DOCK2: variants seen among roughly 807,000 people sequenced by gnomAD.
DOCK2 encodes dedicator of cytokinesis 2, also known as dedicator of cytokinesis protein 2.
A neutral mutation model predicts 248.9 loss-of-function variants in DOCK2; 87 were observed. The observed-to-expected ratio is 0.35, with a 90% CI of 0.29 to 0.42. DOCK2 has a LOEUF of 0.42. Among genes scored for constraint, DOCK2 ranks in the 10% least tolerant of loss-of-function variants. DOCK2 has a pLI of 1.00. For synonymous variants in DOCK2, 805 were observed against 821.6 expected (o/e 0.98, Z 0.35); for missense variants, 1,747 against 2,300.2 (o/e 0.76, Z 4.92).
chr5:169,730,541 G>A (rs1164666783), intron 22 of DOCK2, among the ~76,000 whole-genome samples: 2 of 152,188 alleles, frequency 1.3e-5, no homozygotes, highest in African/African-American at 2.4e-5. Flanking sequence ...CAGGTAGCAC[G>A]TATAATACTT....
At chr5:169,804,444 G>A (rs1316234397) in intron 26 of DOCK2, among the ~76,000 whole-genome samples, 4 of 50,564 alleles carry the variant, frequency 7.9e-5, no homozygotes, top group African/African-American at 1.5e-4. Flanking sequence ...CAAAGTGTGT[G>A]TGTGTGTGTG....
intron 25 of DOCK2, 74 bp from the exon 26 acceptor site, chr5:169,802,984 T>A (rs924369704): frequency 1.3e-6 from 2 of 1,506,762 alleles, no homozygotes; most frequent in African/African-American, 2.8e-5. Flanking sequence ...TAATGAAACA[T>A]TGTATGCATA....
chr5:169,838,854 G>A (rs113161181), intron 26 of DOCK2, among the ~76,000 whole-genome samples: 398 of 152,254 alleles, frequency 2.6e-3, no homozygotes, highest in African/African-American at 9.0e-3. Flanking sequence ...GAAAGCTCTG[G>A]GTTATTCATC....
chr5:169,760,247 G>T (rs1345480328), intron 24 of DOCK2, among the ~76,000 whole-genome samples: 1 of 151,628 alleles, frequency 6.6e-6, no homozygotes, highest in Non-Finnish European at 1.5e-5. Flanking sequence ...GTTGGAATAG[G>T]GGCATTTCAA....
rs148742795 is a variant in DOCK2 at position 169,672,856 on chromosome 5, A to G, written c.322-1441A>G. Reference sequence around the variant, plus strand: ...CAGAGAACTCAGGAAAGTGCTATACATGTGATTACGGTTTTATTATAAAGA... The same window carrying G: ...CAGAGAACTCAGGAAAGTGCTATACGTGTGATTACGGTTTTATTATAAAGA... On this transcript the variant is annotated intron_variant, in intron 5 of 51. Coordinates refer to ENST00000520908, the MANE Select transcript of DOCK2 (RefSeq NM_004946.3). Among the ~76,000 whole-genome samples, 344 of 152,302 alleles carry G rather than the reference A, an allele frequency of 2.3e-3. 1 individual carries two copies. The highest frequency in any genetic ancestry group is 7.2e-3 in the African/African-American group (299 of 41,578).
intron 27 of DOCK2, among the ~76,000 whole-genome samples, chr5:169,938,678 G>T (rs1776097791): frequency 6.6e-6 from 1 of 152,144 alleles, no homozygotes; most frequent in African/African-American, 2.4e-5. Context: ...CACTACTGTA[G>T]ACTATCAACA....
intron 27 of DOCK2, among the ~76,000 whole-genome samples, chr5:169,945,565 G>A (rs1218900144): frequency 2.0e-5 from 3 of 152,144 alleles, no homozygotes; most frequent in East Asian, 1.9e-4. Context: ...TGCTCATTTC[G>A]AAGGTGAGAA....
chr5:169,875,956 T>A (rs1772306526), intron 27 of DOCK2: 2 of 152,288 alleles, frequency 1.3e-5, no homozygotes, highest in African/African-American at 4.8e-5. Context: ...ATTTTACTCT[T>A]ACAGTTCTGG....
intron 25 of DOCK2, among the ~76,000 whole-genome samples, chr5:169,781,030 C>T (rs974773284): frequency 1.3e-5 from 2 of 152,198 alleles, no homozygotes; most frequent in Non-Finnish European, 2.9e-5. Context: ...GTCCTGGTGG[C>T]TAGAGCCCAT....
At chr5:169,779,938 C>CGTTGCATT (rs58276256) in intron 25 of DOCK2, among the ~76,000 whole-genome samples, 6,172 of 152,124 alleles carry the variant, frequency 0.041, 395 homozygotes, top group African/African-American at 0.14. Flanking sequence ...GAATTCATCC[C>CGTTGCATT]GTTGCATTTG....
chr5:169,942,516 T>C (rs1776282104), intron 27 of DOCK2, among the ~76,000 whole-genome samples: 1 of 152,246 alleles, frequency 6.6e-6, no homozygotes, highest in Non-Finnish European at 1.5e-5. Context: ...TTGAACTCAT[T>C]TGCAAGGATC....
At chr5:170,062,320 G>T (rs1757362048) in intron 44 of DOCK2, among the ~76,000 whole-genome samples, 2 of 152,010 alleles carry the variant, frequency 1.3e-5, no homozygotes, top group South Asian at 4.2e-4. Context: ...AAGCTCCTGG[G>T]TCTCCCTCCA....
At chr5:169,978,945 G>C (rs1777837365) in intron 27 of DOCK2, among the ~76,000 whole-genome samples, 1 of 152,180 alleles carries the variant, frequency 6.6e-6, no homozygotes, top group East Asian at 1.9e-4. Context: ...TTGTGCCAGA[G>C]TCTCAGATAC....
At chr5:169,741,439 G>T (rs1763296436) in intron 22 of DOCK2, among the ~76,000 whole-genome samples, 1 of 152,174 alleles carries the variant, frequency 6.6e-6, no homozygotes, top group Non-Finnish European at 1.5e-5. Flanking sequence ...CCCAGGTTGT[G>T]GGGTGGGAGG....
intron 27 of DOCK2, among the ~76,000 whole-genome samples, chr5:169,978,414 T>C (rs1439445936): frequency 1.6e-5 from 2 of 127,810 alleles, no homozygotes; most frequent in African/African-American, 6.2e-5. Flanking sequence ...GGTGTAGGTG[T>C]GTTTGCATTA....
intron 23 of DOCK2, among the ~76,000 whole-genome samples, chr5:169,748,320 G>A (rs559933873): frequency 7.7e-4 from 118 of 152,322 alleles, no homozygotes; most frequent in African/African-American, 2.7e-3. Flanking sequence ...CCTGGGGAAT[G>A]TTTGCTTCTC....
rs1241051352 is a variant in DOCK2, at chr5:170,050,140, GT to G, written c.4072-115del. On this transcript the variant is annotated intron_variant, in intron 40 of 51. Transcript: ENST00000520908. ...TCCCTGTGGGGAAACCAAGAGGAGA[GT>G]GATGCACTGGACATCCCCATGGACC... 9 of 1,340,514 alleles carry G rather than the reference GT, an allele frequency of 6.7e-6. No individual in the cohort carries two copies. In the African/African-American group the frequency reaches 1.3e-4, roughly 20 times the overall value. The allele number at this position is 1,340,514 out of a possible 1,614,324, so 83.0% of individuals were successfully genotyped here.
At chr5:169,642,797 A>G (rs1168678791) in intron 1 of DOCK2, among the ~76,000 whole-genome samples, 1 of 152,208 alleles carries the variant, frequency 6.6e-6, no homozygotes. Flanking sequence ...GCCCCTGACC[A>G]TAATGTTTGC....
intron 27 of DOCK2, among the ~76,000 whole-genome samples, chr5:169,860,968 G>A (rs150861616): frequency 6.6e-6 from 1 of 152,008 alleles, no homozygotes; most frequent in African/African-American, 2.4e-5. Context: ...TGCCTTTTAA[G>A]GAAAAAAATT....
Sources: gnomAD v4.1 joint callset for allele counts (sites outside exome capture counted in the v4.1 genomes callset) on GRCh38, gnomAD v4.1.1 for gene constraint, MANE v1.5 for transcripts, NCBI Gene and HGNC (gene_info 2026-07-23, HGNC 2026-07-21) for gene names.